The following FIRRM variants were observed in gnomAD, a reference collection of about 807,000 sequenced individuals.
The protein encoded by FIRRM is FIGNL1-interacting regulator of recombination and mitosis.
the FIRRM span, among the ~76,000 whole-genome samples, chr1:169,809,557 G>A: frequency 3.9e-4 from 59 of 152,304 alleles, no homozygotes; most frequent in East Asian, 7.7e-4. Context: ...AGTCTATAGT[G>A]GCAAGAGAGA....
chr1:169,821,153 A>G, the FIRRM span, among the ~76,000 whole-genome samples: 1 of 152,150 alleles, frequency 6.6e-6, no homozygotes, highest in Non-Finnish European at 1.5e-5. Context: ...CAGTCTTTTT[A>G]ATCTTTGCTA....
the FIRRM span, among the ~76,000 whole-genome samples, chr1:169,826,896 G>C: frequency 6.6e-6 from 1 of 152,120 alleles, no homozygotes; most frequent in African/African-American, 2.4e-5. Context: ...TATCAATTCA[G>C]TACTTTGAAT....
At chr1:169,787,201 G>T in the FIRRM span, among the ~76,000 whole-genome samples, 1 of 152,114 alleles carries the variant, frequency 6.6e-6, no homozygotes, top group South Asian at 2.1e-4. Context: ...AGTGTGCAGT[G>T]GTGGGAGGCT....
the FIRRM span, among the ~76,000 whole-genome samples, chr1:169,825,550 A>G: frequency 2.0e-5 from 3 of 152,264 alleles, no homozygotes; most frequent in South Asian, 4.1e-4. Flanking sequence ...AGTTGATTGA[A>G]AAAATAAATT....
At chr1:169,852,057 T>C in the FIRRM span, 3 of 1,374,382 alleles carry the variant, frequency 2.2e-6, no homozygotes, top group Non-Finnish European at 3.0e-6. Flanking sequence ...CAAATAGATC[T>C]AGACATGTAA....
chr1:169,798,934 T>A, the FIRRM span: 3 of 1,339,680 alleles, frequency 2.2e-6, no homozygotes, highest in Non-Finnish European at 1.0e-6. Flanking sequence ...GTCTCAACAT[T>A]CTGACAGTTG....
chr1:169,792,644 A>G, the FIRRM span: 2 of 1,609,142 alleles, frequency 1.2e-6, no homozygotes, highest in Non-Finnish European at 1.7e-6. Context: ...TATTTTGAGT[A>G]TTCTGGTCTT....
chr1:169,802,567 G>A, the FIRRM span: 3 of 1,260,216 alleles, frequency 2.4e-6, no homozygotes, highest in Admixed American at 6.0e-5. Context: ...GTTTTGTCTT[G>A]TCTTTTCTAG....
chr1:169,805,272 A>G, the FIRRM span, among the ~76,000 whole-genome samples: 4 of 152,324 alleles, frequency 2.6e-5, no homozygotes, highest in Non-Finnish European at 5.9e-5. Context: ...CACCTGGGGC[A>G]CTAGCTCACC....
At chr1:169,847,285 TAC>T in the FIRRM span, among the ~76,000 whole-genome samples, 3 of 131,968 alleles carry the variant, frequency 2.3e-5, no homozygotes, top group Admixed American at 8.8e-5. Context: ...ACTTGTTCAG[TAC>T]AGAGTTGCCA....
the FIRRM span, chr1:169,796,038 A>G: frequency 2.5e-5 from 23 of 903,004 alleles, no homozygotes; most frequent in African/African-American, 4.1e-4. Flanking sequence ...GCTTTATACA[A>G]TTACACTCAA....
chr1:169,846,316 G>C, the FIRRM span, among the ~76,000 whole-genome samples: 2 of 152,166 alleles, frequency 1.3e-5, no homozygotes, highest in South Asian at 4.2e-4. Flanking sequence ...AAGGGCCTTA[G>C]GATTTTTTTA....
the FIRRM span, chr1:169,842,530 C>T: frequency 6.2e-7 from 1 of 1,613,444 alleles, no homozygotes. Flanking sequence ...CTTTTTTAAA[C>T]ATTAAACAGG....
the FIRRM span, among the ~76,000 whole-genome samples, chr1:169,791,747 T>C: frequency 6.6e-6 from 1 of 152,210 alleles, no homozygotes; most frequent in African/African-American, 2.4e-5. Flanking sequence ...ATTGAATCCA[T>C]GATGTCCGAT....
At chr1:169,824,938 C>T in the FIRRM span, among the ~76,000 whole-genome samples, 2 of 152,216 alleles carry the variant, frequency 1.3e-5, no homozygotes, top group Admixed American at 6.5e-5. Flanking sequence ...CCAAACTGAA[C>T]TCTTGATTTC....
chr1:169,846,879 A>T, the FIRRM span, among the ~76,000 whole-genome samples: 3 of 152,190 alleles, frequency 2.0e-5, no homozygotes, highest in Non-Finnish European at 4.4e-5. Context: ...AAAGAGGCCT[A>T]GCTTTTCACC....
the FIRRM span, chr1:169,801,022 C>G: frequency 1.1e-6 from 1 of 893,120 alleles, no homozygotes; most frequent in Non-Finnish European, 1.8e-6. Flanking sequence ...TAGCCTCAGT[C>G]TTAGATGATT....
the FIRRM span, among the ~76,000 whole-genome samples, chr1:169,801,445 CAAAAAAAAAAAA>C: frequency 9.7e-4 from 60 of 61,722 alleles, no homozygotes; most frequent in South Asian, 8.4e-3. Context: ...TGCTCCGTCT[CAAAAAAAAAAAA>C]AAAAAAAAAA....
At chr1:169,830,132 C>T in the FIRRM span, 1 of 703,040 alleles carries the variant, frequency 1.4e-6, no homozygotes, top group Non-Finnish European at 2.3e-6. Flanking sequence ...GAAAGTAGAA[C>T]TCCCCCATTG....
Sources: gnomAD v4.1 joint callset for allele counts (sites outside exome capture counted in the v4.1 genomes callset) on GRCh38, gnomAD v4.1.1 for gene constraint, MANE v1.5 for transcripts, NCBI Gene and HGNC (gene_info 2026-07-23, HGNC 2026-07-21) for gene names.